SORL1: variants seen among roughly 807,000 people sequenced by gnomAD.
SORL1 encodes sortilin-related receptor.
SORL1 carries 127 observed loss-of-function variants against 273.7 expected under a neutral mutation model. That is an observed-to-expected ratio of 0.46 (90% CI 0.40 to 0.54). SORL1 has a LOEUF of 0.54. Among genes scored for constraint, SORL1 ranks in the 20% least tolerant of loss-of-function variants. The probability of loss-of-function intolerance (pLI) is 0.00; values close to 1 mark genes in which losing one functional copy is unlikely to be tolerated. For missense variants in SORL1, 2,494 were observed against 2,846.1 expected (o/e 0.88, Z 2.81); for synonymous variants, 1,031 against 1,067.4 (o/e 0.97, Z 0.66).
intron 22 of SORL1, among the ~76,000 whole-genome samples, chr11:121,567,569 C>T (rs376486602): frequency 4.5e-4 from 68 of 152,346 alleles, no homozygotes; most frequent in African/African-American, 1.5e-3. Flanking sequence ...ATCCTCTCAC[C>T]GTAGCCTAGC....
In SORL1 at chr11:121,566,891, C is replaced by T. The variant is rs575882895; in HGVS notation, c.3050-49C>T. ...GGTCTCCTTCTTGTATTCAGTACCT[C>T]CCTCATGGTGTGTATTAACCTACCT... On this transcript the variant is annotated intron_variant, in intron 21 of 47. Coordinates refer to ENST00000260197, the MANE Select transcript of SORL1 (RefSeq NM_003105.6). 61 of 1,554,086 alleles carry T rather than the reference C, an allele frequency of 3.9e-5. No homozygotes were observed. In the Admixed American group the frequency reaches 4.4e-4, roughly 11 times the overall value.
chr11:121,515,734 C>T (rs140868213), intron 8 of SORL1, among the ~76,000 whole-genome samples: 13 of 152,232 alleles, frequency 8.5e-5, no homozygotes, highest in South Asian at 2.1e-4. Context: ...TCACTGCAAC[C>T]GCCGCTTCCT....
In SORL1 at chr11:121,627,888, C is replaced by CCGCTTATTGGTGGGAACTTTGCCTTGG; in HGVS notation, c.6577+122_6577+123insGCTTATTGGTGGGAACTTTGCCTTGGC. ...TGACCCTGGAGGAGCTCTTCATCAG[C>CCGCTTATTGGTGGGAACTTTGCCTTGG]CAGCGATTTGATTCCATGAGTTTTG... is the stretch of plus-strand genomic sequence containing the variant. On this transcript the variant is annotated intron_variant, in intron 47 of 47. Transcript: ENST00000260197. This position sits in a 1 kb window ranked among gnomAD's most constrained non-coding sequence, Gnocchi z 4.9. The CCGCTTATTGGTGGGAACTTTGCCTTGG allele has an allele frequency of 1.5e-6, 1 of 655,586 alleles. No individual in the cohort carries two copies. 40.6% of individuals were successfully genotyped at this position (655,586 alleles called of 1,614,324 possible).
At position 121,460,999 on chromosome 11, in the gene SORL1, C is replaced by T. The variant is rs367545897; in HGVS notation, c.285+8383C>T. 2.1e-4 allele frequency among the ~76,000 whole-genome samples: 32 copies of T among 152,156 alleles called. No homozygotes were observed. In the South Asian group the frequency reaches 3.7e-3, roughly 18 times the overall value. On this transcript the variant is annotated intron_variant, in intron 1 of 47. Transcript: ENST00000260197. ...GCCCAAGGATCTCAGCCAAGGAGCCCGAGATGGCAGGGAGTGGGGACAGAG... is the reference window on the plus strand; with the variant it reads ...GCCCAAGGATCTCAGCCAAGGAGCCTGAGATGGCAGGGAGTGGGGACAGAG...
chr11:121,590,284 T>A, intron 30 of SORL1, 110 bp downstream of exon 30: 2 of 1,172,708 alleles, frequency 1.7e-6, no homozygotes, highest in Non-Finnish European at 2.4e-6. Context: ...GGGGCATATT[T>A]TTGTGAGAGG....
At chr11:121,526,370 A>G (rs186136800) in intron 11 of SORL1, among the ~76,000 whole-genome samples, 4 of 152,334 alleles carry the variant, frequency 2.6e-5, no homozygotes, top group Non-Finnish European at 5.9e-5. Flanking sequence ...CCAAAGCCTT[A>G]TAGTAAATGT....
Position 121,621,201 on chromosome 11 carries a change from G to A in SORL1, c.6027G>A (p.Gly2009=), listed in dbSNP as rs867962008. 3 of 1,614,140 alleles carry A rather than the reference G, an allele frequency of 1.9e-6. 1 individual carries two copies. The highest frequency in any genetic ancestry group is 2.2e-5 in the South Asian group (2 of 91,066). ...AATACCACATCATTGTCCAACTGGG[G>A]AACATGAGCAAAGATTCCAGCATAA... ...GGKYHIIVQL[G]NMSKDSSIKI... The change falls in exon 44 of 48, where the codon GGG becomes GGA. Residue 2009 remains glycine (G), a synonymous_variant. Coordinates refer to ENST00000260197, the MANE Select transcript of SORL1 (RefSeq NM_003105.6).
intron 32 of SORL1, among the ~76,000 whole-genome samples, chr11:121,600,723 A>C (rs1434920462): frequency 6.6e-6 from 1 of 152,230 alleles, no homozygotes; most frequent in Admixed American, 6.5e-5. Context: ...ACCTTATCTA[A>C]AAATGAAATG....
At chr11:121,503,631 G>A (rs771805205) in intron 6 of SORL1, among the ~76,000 whole-genome samples, 20 of 151,996 alleles carry the variant, frequency 1.3e-4, no homozygotes, top group Non-Finnish European at 2.4e-4. Flanking sequence ...GCAACTGCAG[G>A]CATTCACCAC....
At chr11:121,500,549 A>C (rs1221048049) in intron 6 of SORL1, among the ~76,000 whole-genome samples, 27 of 152,188 alleles carry the variant, frequency 1.8e-4, no homozygotes, top group Non-Finnish European at 1.5e-5. Context: ...TTTCATGCCC[A>C]GTGGTAGAGT....
chr11:121,629,839 G>T lies in SORL1; in HGVS notation c.*276G>T. 2.5e-6 allele frequency: 1 copy of T among 393,668 alleles called. No homozygotes were observed. The allele number at this position is 393,668 out of a possible 1,614,324, so 24.4% of individuals were successfully genotyped here. A position where few individuals can be genotyped will look rare whatever the true frequency, so the allele number is the denominator to read the frequency against. ...CTGTGCTTGCTGGGCATGCTTTTAC[G>T]TCTGTGAGATAATTTCGGTTCAGTA... On this transcript the variant is annotated 3_prime_UTR_variant, in exon 48 of 48. Transcript: ENST00000260197.
At chr11:121,577,212 T>C in intron 24 of SORL1, 69 bp from the exon 25 acceptor site, 1 of 1,535,072 alleles carries the variant, frequency 6.5e-7, no homozygotes, top group Middle Eastern at 1.8e-4. Flanking sequence ...TTATGAGAGC[T>C]TTGACACCAG....
At chr11:121,483,211 A>G (rs1861421645) in intron 3 of SORL1, among the ~76,000 whole-genome samples, 1 of 152,198 alleles carries the variant, frequency 6.6e-6, no homozygotes, top group Non-Finnish European at 1.5e-5. Context: ...TCAGCCTTCC[A>G]AGTAGCTGTG....
rs34608652 is a variant in SORL1, at chr11:121,540,522, C to CAAAAAAAAAAAAAAAAAAAAAAAAAA, written c.1686-3012_1686-3011insAAAAAAAAAAAAAAAAAAAAAAAAAA. Among the ~76,000 whole-genome samples, 137 of 103,700 alleles carry CAAAAAAAAAAAAAAAAAAAAAAAAAA rather than the reference C, an allele frequency of 1.3e-3. 6 individuals are homozygous for CAAAAAAAAAAAAAAAAAAAAAAAAAA. Among genetic ancestry groups the CAAAAAAAAAAAAAAAAAAAAAAAAAA allele is most frequent in the Middle Eastern group, 5.6e-3 (1 of 178 alleles). 68.0% of individuals were successfully genotyped at this position (103,700 alleles called of 152,430 possible). ...TGAAATCCTATCTCTACTAAAAATA[C>CAAAAAAAAAAAAAAAAAAAAAAAAAA]AAAAAAAAAAAAAAGAATGCAAAGA... is the stretch of plus-strand genomic sequence containing the variant. On this transcript the variant is annotated intron_variant, in intron 12 of 47. Coordinates refer to ENST00000260197, the MANE Select transcript of SORL1 (RefSeq NM_003105.6).
At chr11:121,619,510 C>T (rs1591356575) in intron 42 of SORL1, among the ~76,000 whole-genome samples, 2 of 152,222 alleles carry the variant, frequency 1.3e-5, no homozygotes, top group South Asian at 4.1e-4. Context: ...TGTAAGGATA[C>T]ACGTACATAC....
intron 39 of SORL1, 42 bp from the exon 40 acceptor site, chr11:121,612,694 A>AT: frequency 7.0e-7 from 1 of 1,432,736 alleles, no homozygotes; most frequent in Non-Finnish European, 9.9e-7. Flanking sequence ...AGTGTGCCCC[A>AT]TGACTAGCTG....
In SORL1 at chr11:121,503,758, C is replaced by G. The variant is rs191945230; in HGVS notation, c.939+6709C>G. 1.9e-3 allele frequency among the ~76,000 whole-genome samples: 295 copies of G among 152,310 alleles called. 1 individual carries two copies. The highest frequency in any genetic ancestry group is 2.9e-3 in the Non-Finnish European group (198 of 68,026). On this transcript the variant is annotated intron_variant, in intron 6 of 47. Coordinates refer to ENST00000260197, the MANE Select transcript of SORL1 (RefSeq NM_003105.6). ...ATTAATCTGTATATCTACCCCTATG[C>G]CAGCATCACACTGTCTTGATTACTG...
intron 11 of SORL1, among the ~76,000 whole-genome samples, chr11:121,531,647 T>C (rs1187243534): frequency 3.9e-5 from 6 of 152,250 alleles, no homozygotes; most frequent in Non-Finnish European, 8.8e-5. Context: ...TCTTGCTTTC[T>C]GTAGGTGGTA....
At chr11:121,585,869 GTC>G (rs1863096504) in intron 26 of SORL1, among the ~76,000 whole-genome samples, 1 of 152,214 alleles carries the variant, frequency 6.6e-6, no homozygotes, top group African/African-American at 2.4e-5. Context: ...TTATTAAACA[GTC>G]TGTTATTGAT....
Sources: gnomAD v4.1 joint callset for allele counts (sites outside exome capture counted in the v4.1 genomes callset) on GRCh38, gnomAD v4.1.1 for gene constraint, Gnocchi (gnomAD v3.1) non-coding constraint, MANE v1.5 for transcripts, NCBI Gene and HGNC (gene_info 2026-07-23, HGNC 2026-07-21) for gene names.